AP1M1: variants seen among roughly 807,000 people sequenced by gnomAD.
AP1M1 encodes adaptor related protein complex 1 subunit mu 1.
AP1M1 carries 18 observed loss-of-function variants against 57.1 expected under a neutral mutation model. The ratio of observed to expected loss-of-function variants is 0.32; its 90% CI spans 0.22 to 0.47. The LOEUF is 0.47. Among genes scored for constraint, AP1M1 ranks in the 20% least tolerant of loss-of-function variants. AP1M1 has a pLI of 1.00. For synonymous variants in AP1M1, 241 were observed against 237.9 expected (o/e 1.01, Z -0.12); for missense variants, 362 against 593.5 (o/e 0.61, Z 4.05).
chr19:16,208,161 G>A lies in AP1M1; in HGVS notation c.398+12G>A, dbSNP rs751452938. 3 of 1,609,576 alleles carry A rather than the reference G, an allele frequency of 1.9e-6. No individual in the cohort carries two copies. The highest frequency in any genetic ancestry group is 2.2e-5 in the South Asian group (2 of 90,702). ...AAGATCCTGCAGGAGTGAGTGGGCAGGGGTGGGGCCTGGGGCCAGGCCTGG... is the reference window on the plus strand; with the variant it reads ...AAGATCCTGCAGGAGTGAGTGGGCAAGGGTGGGGCCTGGGGCCAGGCCTGG... On this transcript the variant is annotated intron_variant, in intron 4 of 11. Coordinates refer to ENST00000291439, the MANE Select transcript of AP1M1 (RefSeq NM_032493.4).
Position 16,228,086 on chromosome 19 carries a change from C to A in AP1M1, c.817-51C>A. The A allele has an allele frequency of 6.3e-7, 1 of 1,578,176 alleles. No individual in the cohort carries two copies. ...GCCTTGGTTTCCCCTCTGAAATGGG[C>A]CTTTGTCAAACAAGGCCAGGTGTGA... On this transcript the variant is annotated intron_variant, in intron 7 of 11. Coordinates refer to ENST00000291439, the MANE Select transcript of AP1M1 (RefSeq NM_032493.4). This position sits in a 1 kb window ranked among gnomAD's most constrained non-coding sequence, Gnocchi z 5.0.
intron 5 of AP1M1, among the ~76,000 whole-genome samples, chr19:16,222,242 C>T (rs1398212124): frequency 7.0e-6 from 1 of 143,652 alleles, no homozygotes. Context: ...GGTTCCCACT[C>T]TGTCATCCAG....
At position 16,244,903 on chromosome 19, in the gene AP1M1, G is replaced by GTTGTTGTT. The variant is rs2091658492; in HGVS notation, c.*10469_*10476dup. 6.6e-6 allele frequency: 1 copy of GTTGTTGTT among 152,340 alleles called. No homozygotes were observed. The highest frequency in any genetic ancestry group is 1.9e-4 in the East Asian group (1 of 5,184). The allele number at this position is 152,340 out of a possible 1,614,324, so 9.4% of individuals were successfully genotyped here. On this transcript the variant is annotated 3_prime_UTR_variant, in exon 12 of 12. Coordinates refer to ENST00000291439, the MANE Select transcript of AP1M1 (RefSeq NM_032493.4). Reference sequence around the variant, plus strand: ...GTTGTTTGTTGTTGTTGTTGTTGTTGTTGTTGTTGTTGAGACGGAGTTTCG... The same window carrying GTTGTTGTT: ...GTTGTTTGTTGTTGTTGTTGTTGTTGTTGTTGTTTTGTTGTTGTTGAGACGGAGTTTCG...
Position 16,228,892 on chromosome 19 carries a change from G to A in AP1M1, c.1011G>A (p.Glu337=). Residue 337 remains glutamate (E), a synonymous_variant, in exon 9 of 12, where the codon GAG becomes GAA. Coordinates refer to ENST00000291439, the MANE Select transcript of AP1M1 (RefSeq NM_032493.4). This position sits in a 1 kb window ranked among gnomAD's most constrained non-coding sequence, Gnocchi z 5.0. ...TGGGGAGCGTTAAGTGGGTCCCCGA[G>A]AACAGCGAGATCGTGTGGTCCATCA... ...TTVGSVKWVP[E]NSEIVWSIKS... is the part of the protein sequence containing the mutation. The A allele has an allele frequency of 2.5e-6, 4 of 1,614,190 alleles. No homozygotes were observed. The South Asian group carries it at 3.3e-5, about 13-fold the overall frequency.
chr19:16,234,622 TC>T lies in AP1M1; in HGVS notation c.*190del. ...TCGACACTCGTCTCAGAAGCCCCTT[TC>T]CCAGAAGAGGCTGGTCTTCAAGAAG... On this transcript the variant is annotated 3_prime_UTR_variant, in exon 12 of 12. Coordinates refer to ENST00000291439, the MANE Select transcript of AP1M1 (RefSeq NM_032493.4). The T allele has an allele frequency of 1.5e-6, 1 of 662,512 alleles. No individual in the cohort carries two copies. Among genetic ancestry groups the T allele is most frequent in the Non-Finnish European group, 2.6e-6 (1 of 388,960 alleles). 41.0% of individuals were successfully genotyped at this position (662,512 alleles called of 1,614,324 possible). A position where few individuals can be genotyped will look rare whatever the true frequency, so the allele number is the denominator to read the frequency against.
chr19:16,240,254 GTGTGTGTGTGTGTGTGTGTA>G lies in AP1M1; in HGVS notation c.*5839_*5858del, dbSNP rs150945379. Reference sequence around the variant, plus strand: ...TGGAGGGACGACTCTGTGTGTGTGTGTGTGTGTGTGTGTGTGTGTATGTGTGTGTGTGTGTGTGTGTGTGT... The same window carrying G: ...TGGAGGGACGACTCTGTGTGTGTGTGTGTGTGTGTGTGTGTGTGTGTGTGT... On this transcript the variant is annotated 3_prime_UTR_variant, in exon 12 of 12. Transcript: ENST00000291439. The G allele has an allele frequency of 0.5, 54,515 of 108,506 alleles. 11,837 individuals carry two copies. Among genetic ancestry groups the G allele is most frequent in the Non-Finnish European group, 0.57 (32,877 of 57,826 alleles). 6.7% of individuals were successfully genotyped at this position (108,506 alleles called of 1,614,324 possible).
intron 5 of AP1M1, among the ~76,000 whole-genome samples, chr19:16,222,211 A>AT (rs1185219025): frequency 0.021 from 2,612 of 125,066 alleles, 99 homozygotes; most frequent in African/African-American, 0.079. Context: ...TATTATTATT[A>AT]TTTTTTTTTT....
rs534027489 is a variant in AP1M1 at position 16,203,481 on chromosome 19, G to A, written c.65G>A (p.Arg22His). 26 of 1,614,158 alleles carry A rather than the reference G, an allele frequency of 1.6e-5. No homozygotes were observed. The highest frequency in any genetic ancestry group is 3.3e-4 in the Middle Eastern group (2 of 6,062). Residue 22 changes from arginine (R) to histidine (H), a missense_variant, in exon 2 of 12, where the codon CGT (arginine) becomes CAT (histidine). Physicochemically the swap from Arg to His is conservative, Grantham distance 29. This residue lies in a region of AP1M1 where 337 missense variants were observed against 511.1 expected (regional missense o/e 0.66). Coordinates refer to ENST00000291439, the MANE Select transcript of AP1M1 (RefSeq NM_032493.4). The surrounding 1 kb of genome is among the most constrained non-coding windows in gnomAD (Gnocchi z 4.6). ...KGKVLICRNY[R>H]GDVDMSEVEH... ...CAGGTGCTCATCTGCCGGAACTACC[G>A]TGGCGACGTGGACATGTCAGAGGTG... is the stretch of plus-strand genomic sequence containing the variant.
intron 5 of AP1M1, among the ~76,000 whole-genome samples, chr19:16,215,228 A>AG (rs1568351111): frequency 3.9e-4 from 2 of 5,080 alleles, no homozygotes; most frequent in Admixed American, 1.8e-3. Context: ...GGGAGGGGGG[A>AG]GGGGAGGGGA....
At chr19:16,198,233 C>A in intron 1 of AP1M1, 165 bp downstream of exon 1, 1 of 603,856 alleles carries the variant, frequency 1.7e-6, no homozygotes, top group Non-Finnish European at 2.6e-6. Flanking sequence ...TCTGGGTAAC[C>A]GGGCGGGGGT....
rs544602808 is a variant in AP1M1, at chr19:16,239,442, A to T, written c.*5007A>T. 1 of 150,814 alleles carries T rather than the reference A, an allele frequency of 6.6e-6. No homozygotes were observed. Among genetic ancestry groups the T allele is most frequent in the Non-Finnish European group, 1.5e-5 (1 of 67,754 alleles). The allele number at this position is 150,814 out of a possible 1,614,324, so 9.3% of individuals were successfully genotyped here. On this transcript the variant is annotated 3_prime_UTR_variant, in exon 12 of 12. Coordinates refer to ENST00000291439, the MANE Select transcript of AP1M1 (RefSeq NM_032493.4). ...AACAAAACACCCCCCAAAAATGACA[A>T]TGCAGATTTGGAAGAAAAAAATAGA...
At position 16,228,865 on chromosome 19, in the gene AP1M1, G is replaced by A. The variant is rs780709008; in HGVS notation, c.984G>A (p.Thr328=). 69 of 1,614,072 alleles carry A rather than the reference G, an allele frequency of 4.3e-5. No individual in the cohort carries two copies. In the South Asian group the frequency reaches 5.3e-4, roughly 12 times the overall value. ...NDADSPKFKT[T]VGSVKWVPEN... The stretch of plus-strand genomic sequence containing the variant: ...CCGACTCACCCAAGTTCAAGACGAC[G>A]GTGGGGAGCGTTAAGTGGGTCCCCG... The change falls in exon 9 of 12, where the codon ACG becomes ACA. Residue 328 remains threonine, a synonymous_variant. Coordinates refer to ENST00000291439, the MANE Select transcript of AP1M1 (RefSeq NM_032493.4). The surrounding 1 kb of genome is among the most constrained non-coding windows in gnomAD (Gnocchi z 5.0).
chr19:16,224,627 C>T (rs1439478680), intron 5 of AP1M1, among the ~76,000 whole-genome samples: 3 of 152,248 alleles, frequency 2.0e-5, no homozygotes, highest in Non-Finnish European at 4.4e-5. Context: ...GGGCCGAGAT[C>T]AGCCTCGTGG....
In AP1M1 at chr19:16,243,424, A is replaced by T. The variant is rs2091652051; in HGVS notation, c.*8989A>T. ...GCTGGGATTACAGGTGAGCACCACC[A>T]AGCTCAGCTATTTTTTTTTTTTTTT... On this transcript the variant is annotated 3_prime_UTR_variant, in exon 12 of 12. Coordinates refer to ENST00000291439, the MANE Select transcript of AP1M1 (RefSeq NM_032493.4). 7.5e-6 allele frequency: 1 copy of T among 132,960 alleles called. No individual in the cohort carries two copies. Among genetic ancestry groups the T allele is most frequent in the Non-Finnish European group, 1.6e-5 (1 of 63,344 alleles). 8.2% of individuals were successfully genotyped at this position (132,960 alleles called of 1,614,324 possible). A position where few individuals can be genotyped will look rare whatever the true frequency, so the allele number is the denominator to read the frequency against.
intron 5 of AP1M1, among the ~76,000 whole-genome samples, chr19:16,221,856 T>G (rs1430696135): frequency 6.6e-6 from 1 of 152,168 alleles, no homozygotes; most frequent in East Asian, 1.9e-4. Flanking sequence ...TTGGCTAATT[T>G]TGTATTTTTA....
At chr19:16,198,312 A>C in intron 1 of AP1M1, 1 of 293,854 alleles carries the variant, frequency 3.4e-6, no homozygotes, top group East Asian at 5.9e-5. Flanking sequence ...TTGCCAGGTA[A>C]CTGACTGCAC....
chr19:16,213,147 T>A (rs578243259), intron 5 of AP1M1, among the ~76,000 whole-genome samples: 2 of 152,304 alleles, frequency 1.3e-5, no homozygotes, highest in South Asian at 4.1e-4. Context: ...ATATCTTTGA[T>A]AATTTTCTGC....
rs2091471701 is a variant in AP1M1 at position 16,206,893 on chromosome 19, G to A, written c.267+485G>A. ...CCAGGGTGAAGGCGCCAGGACAGGT[G>A]TATGTGTGGTGCAGCTAGGGAGGCC... On this transcript the variant is annotated intron_variant, in intron 3 of 11. Coordinates refer to ENST00000291439, the MANE Select transcript of AP1M1 (RefSeq NM_032493.4). The surrounding 1 kb of genome is among the most constrained non-coding windows in gnomAD (Gnocchi z 4.3). Among the ~76,000 whole-genome samples, 1 of 152,222 alleles carries A rather than the reference G, an allele frequency of 6.6e-6. No individual in the cohort carries two copies. The highest frequency in any genetic ancestry group is 2.4e-5 in the African/African-American group (1 of 41,470).
intron 5 of AP1M1, among the ~76,000 whole-genome samples, chr19:16,223,749 C>T (rs781476531): frequency 6.6e-6 from 1 of 152,188 alleles, no homozygotes; most frequent in South Asian, 2.1e-4. Flanking sequence ...ACTCTGCATT[C>T]GTGGCTCTTC....
Sources: gnomAD v4.1 joint callset for allele counts (sites outside exome capture counted in the v4.1 genomes callset) on GRCh38, gnomAD v4.1.1 for gene constraint, gnomAD v4.1.1 regional missense constraint, Gnocchi (gnomAD v3.1) non-coding constraint, MANE v1.5 for transcripts, NCBI Gene and HGNC (gene_info 2026-07-23, HGNC 2026-07-21) for gene names.